Variants in TCF25 observed in about 807,000 individuals in gnomAD.
The protein encoded by TCF25 is TCF25 ribosome quality control complex subunit, also known as ribosome quality control complex subunit TCF25.
A neutral mutation model predicts 83.1 loss-of-function variants in TCF25; 41 were observed. The ratio of observed to expected loss-of-function variants is 0.49; its 90% CI spans 0.38 to 0.64. The LOEUF is 0.64. TCF25 is among the 30% of genes least tolerant of loss of function. The pLI is 0.00. For synonymous variants in TCF25, 458 were observed against 365.0 expected (o/e 1.25, Z -2.90); for missense variants, 979 against 914.5 (o/e 1.07, Z -0.91).
At chr16:89,876,495 C>T (rs1420031371) in intron 1 of TCF25, among the ~76,000 whole-genome samples, 1 of 152,128 alleles carries the variant, frequency 6.6e-6, no homozygotes, top group Non-Finnish European at 1.5e-5. Context: ...AACTCCTGGG[C>T]TCAAGAGATC....
At chr16:89,905,504 GACAGGCATCCCCTTGCTGT>G (rs1279708393) in intron 14 of TCF25, among the ~76,000 whole-genome samples, 1 of 152,220 alleles carries the variant, frequency 6.6e-6, no homozygotes, top group Non-Finnish European at 1.5e-5. Flanking sequence ...TGCTGCAACT[GACAGGCATCCCCTTGCTGT>G]TCTTGTCTCG....
chr16:89,877,343 A>G lies in TCF25; in HGVS notation c.192+3484A>G, dbSNP rs185338482. 6.6e-3 allele frequency among the ~76,000 whole-genome samples: 1,001 copies of G among 152,220 alleles called. 3 individuals carry two copies. The highest frequency in any genetic ancestry group is 0.011 in the Non-Finnish European group (719 of 68,018). ...CTCAGCCTCCCAAGTAGGTGGAACTATAAGTGGGTGTCACCACACCTGGCT... is the reference window on the plus strand; with the variant it reads ...CTCAGCCTCCCAAGTAGGTGGAACTGTAAGTGGGTGTCACCACACCTGGCT... On this transcript the variant is annotated intron_variant, in intron 1 of 17. Coordinates refer to ENST00000263346, the MANE Select transcript of TCF25 (RefSeq NM_014972.3).
At chr16:89,897,181 A>G (rs553740047) in intron 9 of TCF25, among the ~76,000 whole-genome samples, 22 of 152,344 alleles carry the variant, frequency 1.4e-4, no homozygotes, top group African/African-American at 5.3e-4. Flanking sequence ...TTGACCTTAA[A>G]TCAGTGAGGA....
chr16:89,903,579 G>C (rs2044523610), intron 12 of TCF25, among the ~76,000 whole-genome samples: 1 of 152,208 alleles, frequency 6.6e-6, no homozygotes, highest in African/African-American at 2.4e-5. Context: ...GCTGAGGCAG[G>C]TGGATCACCT....
At chr16:89,878,920 C>T (rs891872310) in intron 1 of TCF25, among the ~76,000 whole-genome samples, 1 of 152,186 alleles carries the variant, frequency 6.6e-6, no homozygotes, top group Admixed American at 6.5e-5. Flanking sequence ...GGATTACAGG[C>T]GTGAGCCACC....
chr16:89,898,887 G>C lies in TCF25; in HGVS notation c.1221+15G>C. On this transcript the variant is annotated intron_variant, in intron 11 of 17. Transcript: ENST00000263346. ...AGGAGTGGGAGGTGGGTGCGAGCCT[G>C]GTGAGGCCCCGTGGAGGGACGGACA... 6.2e-7 allele frequency: 1 copy of C among 1,612,344 alleles called. No homozygotes were observed. The highest frequency in any genetic ancestry group is 8.5e-7 in the Non-Finnish European group (1 of 1,179,096).
Position 89,873,732 on chromosome 16 carries a change from G to A in TCF25, c.65G>A (p.Gly22Asp), listed in dbSNP as rs930791953. 4 of 1,611,478 alleles carry A rather than the reference G, an allele frequency of 2.5e-6. No individual in the cohort carries two copies. In the African/African-American group the frequency reaches 5.4e-5, roughly 22 times the overall value. The stretch of plus-strand genomic sequence containing the variant: ...CGCGGCCAGGAGCCCCTCGGGCCCG[G>A]CGCCTTGCATTTCGATCTCCGTGAT... ...EQRGQEPLGP[G>D]ALHFDLRDDD... Residue 22 changes from glycine to aspartate, a missense_variant, in exon 1 of 18, where the codon GGC (glycine) becomes GAC (aspartate). Gly to Asp is a moderately conservative substitution (Grantham distance 94). Transcript: ENST00000263346.
intron 6 of TCF25, 37 bp downstream of exon 6, chr16:89,892,312 G>T: frequency 1.3e-6 from 2 of 1,585,860 alleles, no homozygotes; most frequent in Non-Finnish European, 8.6e-7. Flanking sequence ...ATGGAGGGTT[G>T]GGGGGCGTTG....
chr16:89,907,687 C>CAG, intron 16 of TCF25, among the ~76,000 whole-genome samples: 1 of 116,562 alleles, frequency 8.6e-6, no homozygotes, highest in Admixed American at 8.4e-5. Flanking sequence ...CTCCCACCTC[C>CAG]CTCCTTTCAC....
At chr16:89,882,049 C>T (rs1453043603) in intron 1 of TCF25, among the ~76,000 whole-genome samples, 2 of 152,174 alleles carry the variant, frequency 1.3e-5, no homozygotes, top group Non-Finnish European at 2.9e-5. Flanking sequence ...CGCCACCGTG[C>T]CCGGTCAGCC....
chr16:89,883,959 A>C (rs1207824911), intron 2 of TCF25: 5 of 180,752 alleles, frequency 2.8e-5, no homozygotes, highest in Non-Finnish European at 6.0e-5. Context: ...ATGGGCAGAG[A>C]TGCAGACAGC....
Position 89,897,840 on chromosome 16 carries a change from G to T in TCF25, c.1023-717G>T, listed in dbSNP as rs34694276. On this transcript the variant is annotated intron_variant, in intron 9 of 17. Coordinates refer to ENST00000263346, the MANE Select transcript of TCF25 (RefSeq NM_014972.3). ...AAAACAAGATAAAGATTTCAGCGGG[G>T]CGTGGTGGCTCACGCTTGTAATCTC... 8.9e-3 allele frequency among the ~76,000 whole-genome samples: 1,350 copies of T among 152,328 alleles called. 34 individuals are homozygous for T. The South Asian group carries it at 0.092, about 10-fold the overall frequency.
rs2042771678 is a variant in TCF25, at chr16:89,883,689, G to A, written c.354+177G>A. ...CCTTGATGAGATTTGCATGAAATGA[G>A]TGAAGGTCGCAGGCCTTTCTCCTGC... On this transcript the variant is annotated intron_variant, in intron 2 of 17. Coordinates refer to ENST00000263346, the MANE Select transcript of TCF25 (RefSeq NM_014972.3). 1.4e-5 allele frequency: 10 copies of A among 719,400 alleles called. No individual in the cohort carries two copies. The South Asian group carries it at 1.9e-4, about 14-fold the overall frequency. The allele number at this position is 719,400 out of a possible 1,614,324, so 44.6% of individuals were successfully genotyped here. A position where few individuals can be genotyped will look rare whatever the true frequency, so the allele number is the denominator to read the frequency against.
At chr16:89,905,238 A>G (rs577501281) in intron 14 of TCF25, 142 bp downstream of exon 14, 25 of 1,221,464 alleles carry the variant, frequency 2.0e-5, no homozygotes, top group Middle Eastern at 2.9e-4. Context: ...TGGAGCCTAC[A>G]AGACAGCGCA....
chr16:89,877,753 G>A (rs185163710), intron 1 of TCF25, among the ~76,000 whole-genome samples: 171 of 152,214 alleles, frequency 1.1e-3, no homozygotes, highest in African/African-American at 3.7e-3. Context: ...CTGATGGAGG[G>A]AAAAAGGGAA....
chr16:89,884,310 G>A (rs73276535), intron 2 of TCF25, among the ~76,000 whole-genome samples: 6,496 of 152,274 alleles, frequency 0.043, 489 homozygotes, highest in African/African-American at 0.15. Context: ...GGCCGACACA[G>A]GGAGGAATGA....
intron 15 of TCF25, 45 bp downstream of exon 15, chr16:89,906,329 C>G: frequency 6.3e-7 from 1 of 1,586,100 alleles, no homozygotes; most frequent in Non-Finnish European, 8.6e-7. Flanking sequence ...AAGCCGGTCA[C>G]ATGCACGTCC....
chr16:89,882,931 G>A (rs1332441032), intron 1 of TCF25, among the ~76,000 whole-genome samples: 3 of 152,234 alleles, frequency 2.0e-5, no homozygotes, highest in African/African-American at 7.2e-5. Context: ...GGTCCTTGGT[G>A]CCTTTTTTTC....
intron 4 of TCF25, 84 bp downstream of exon 4, chr16:89,886,050 CTG>C (rs933839385): frequency 1.6e-5 from 17 of 1,041,610 alleles, no homozygotes; most frequent in Middle Eastern, 2.0e-4. Flanking sequence ...CTGCCCTTCT[CTG>C]TGGCTGCCAC....
Sources: gnomAD v4.1 joint callset for allele counts (sites outside exome capture counted in the v4.1 genomes callset) on GRCh38, gnomAD v4.1.1 for gene constraint, MANE v1.5 for transcripts, NCBI Gene and HGNC (gene_info 2026-07-23, HGNC 2026-07-21) for gene names.